LRRC4C: variants seen among roughly 807,000 people sequenced by gnomAD.
The protein encoded by LRRC4C is leucine rich repeat containing 4C, also known as leucine-rich repeat-containing protein 4C.
Under a neutral mutation model 33.6 loss-of-function variants are expected in LRRC4C, and 5 were observed. The observed-to-expected ratio is 0.15, with a 90% CI of 0.08 to 0.31. LRRC4C has a LOEUF of 0.31. LRRC4C is among the 10% of genes least tolerant of loss of function. The probability of loss-of-function intolerance (pLI) is 1.00; values close to 1 mark genes in which losing one functional copy is unlikely to be tolerated. For synonymous variants in LRRC4C, 329 were observed against 302.0 expected (o/e 1.09, Z -0.93); for missense variants, 560 against 796.7 (o/e 0.70, Z 3.58).
intron 3 of LRRC4C, among the ~76,000 whole-genome samples, chr11:40,558,528 ACTT>A (rs1329359824): frequency 6.6e-6 from 1 of 152,082 alleles, no homozygotes; most frequent in Non-Finnish European, 1.5e-5. Context: ...ATTAAGGAAA[ACTT>A]CTACTATCTA....
intron 2 of LRRC4C, among the ~76,000 whole-genome samples, chr11:40,933,204 T>G (rs980199165): frequency 3.3e-5 from 5 of 152,206 alleles, no homozygotes. Flanking sequence ...CAACTGCAGT[T>G]AGAAAGCAGA....
At chr11:40,375,520 C>T (rs532154099) in intron 3 of LRRC4C, among the ~76,000 whole-genome samples, 6 of 152,130 alleles carry the variant, frequency 3.9e-5, no homozygotes, top group South Asian at 2.1e-4. Flanking sequence ...AAAATGCAAC[C>T]GCTTTTGCCA....
intron 1 of LRRC4C, among the ~76,000 whole-genome samples, chr11:41,218,631 G>A (rs2136364736): frequency 6.6e-6 from 1 of 152,238 alleles, no homozygotes; most frequent in African/African-American, 2.4e-5. Context: ...TCTAAGGATA[G>A]AGTTCTTTAG....
intron 4 of LRRC4C, among the ~76,000 whole-genome samples, chr11:40,283,831 A>G (rs1281260925): frequency 6.8e-6 from 1 of 146,886 alleles, no homozygotes; most frequent in African/African-American, 2.5e-5. Context: ...CAGCCTCCTG[A>G]GTTGCTGGGA....
chr11:41,424,057 A>C (rs895586994), intron 1 of LRRC4C: 1 of 152,136 alleles, frequency 6.6e-6, no homozygotes, highest in African/African-American at 2.4e-5. Context: ...AAACCAGACT[A>C]ATACAGTCTC....
chr11:41,355,833 G>T (rs1035624306), intron 1 of LRRC4C, among the ~76,000 whole-genome samples: 1 of 151,868 alleles, frequency 6.6e-6, no homozygotes, highest in Non-Finnish European at 1.5e-5. Flanking sequence ...CATTCCTAAA[G>T]CTCTTAAACT....
intron 5 of LRRC4C, among the ~76,000 whole-genome samples, chr11:40,164,593 TAGAC>T (rs1489976688): frequency 2.0e-5 from 3 of 152,178 alleles, no homozygotes; most frequent in Non-Finnish European, 4.4e-5. Flanking sequence ...GACTAACACT[TAGAC>T]AGCACTAGAA....
intron 4 of LRRC4C, chr11:40,294,054 C>A (rs921053749): frequency 5.9e-5 from 9 of 152,456 alleles, no homozygotes; most frequent in Admixed American, 5.2e-4. Context: ...CGCTTAGGGT[C>A]CTAGCTTCCA....
At chr11:40,486,714 T>G (rs893449954) in intron 3 of LRRC4C, among the ~76,000 whole-genome samples, 6 of 152,096 alleles carry the variant, frequency 3.9e-5, no homozygotes, top group Non-Finnish European at 8.8e-5. Flanking sequence ...TTGGTTAAGA[T>G]TAGAGTAGTA....
At chr11:41,117,678 G>A (rs1243448576) in intron 1 of LRRC4C, among the ~76,000 whole-genome samples, 1 of 152,036 alleles carries the variant, frequency 6.6e-6, no homozygotes, top group Non-Finnish European at 1.5e-5. Context: ...ATCGTGTTGT[G>A]ACATTATTAA....
intron 1 of LRRC4C, among the ~76,000 whole-genome samples, chr11:41,063,712 A>G (rs1937975979): frequency 6.6e-6 from 1 of 152,236 alleles, no homozygotes. Context: ...AAGGCCATAG[A>G]GTCAGCAAGA....
intron 1 of LRRC4C, among the ~76,000 whole-genome samples, chr11:41,114,520 T>G (rs1290645241): frequency 6.6e-6 from 1 of 152,054 alleles, no homozygotes; most frequent in African/African-American, 2.4e-5. Flanking sequence ...GGTTAAAAAT[T>G]TTTAGAAACA....
intron 2 of LRRC4C, among the ~76,000 whole-genome samples, chr11:40,754,272 T>G (rs1948835413): frequency 6.6e-6 from 1 of 152,136 alleles, no homozygotes; most frequent in African/African-American, 2.4e-5. Flanking sequence ...TATATTTCAC[T>G]AAGCATGATG....
chr11:41,286,019 C>T (rs1005006781), intron 1 of LRRC4C, among the ~76,000 whole-genome samples: 10 of 151,750 alleles, frequency 6.6e-5, no homozygotes, highest in African/African-American at 1.7e-4. Context: ...TTAGTAGAGA[C>T]GGGGTTTCAC....
chr11:40,606,581 AT>A (rs1960624258), intron 3 of LRRC4C, among the ~76,000 whole-genome samples: 2 of 152,292 alleles, frequency 1.3e-5, no homozygotes, highest in South Asian at 4.1e-4. Context: ...AAAAAGAGGT[AT>A]GTAAAGTACA....
At chr11:41,434,538 G>A (rs549236357) in intron 1 of LRRC4C, among the ~76,000 whole-genome samples, 104 of 152,128 alleles carry the variant, frequency 6.8e-4, no homozygotes, top group African/African-American at 2.4e-3. Flanking sequence ...AGGGAAGGAC[G>A]TACATCCCAT....
chr11:40,904,309 C>A (rs1459471456), intron 2 of LRRC4C, among the ~76,000 whole-genome samples: 1 of 147,096 alleles, frequency 6.8e-6, no homozygotes, highest in East Asian at 2.0e-4. Context: ...GGCTCCCAAA[C>A]CAATTAATGA....
At chr11:40,631,085 C>G (rs1238248252) in intron 3 of LRRC4C, among the ~76,000 whole-genome samples, 1 of 152,204 alleles carries the variant, frequency 6.6e-6, no homozygotes, top group African/African-American at 2.4e-5. Flanking sequence ...AGTTTTCTGA[C>G]TTTCCTAATT....
At chr11:40,921,858 A>G (rs147119033) in intron 2 of LRRC4C, among the ~76,000 whole-genome samples, 79 of 152,316 alleles carry the variant, frequency 5.2e-4, no homozygotes, top group East Asian at 1.5e-3. Flanking sequence ...ATTTGCATCA[A>G]TGATCTGAGG....
Sources: gnomAD v4.1 joint callset for allele counts (sites outside exome capture counted in the v4.1 genomes callset) on GRCh38, gnomAD v4.1.1 for gene constraint, MANE v1.5 for transcripts, NCBI Gene and HGNC (gene_info 2026-07-23, HGNC 2026-07-21) for gene names.